Variants in DNAH9 observed in about 807,000 individuals in gnomAD.
DNAH9 encodes the protein dynein axonemal heavy chain 9.
DNAH9 carries 345 observed loss-of-function variants against 471.6 expected under a neutral mutation model. The ratio of observed to expected loss-of-function variants is 0.73; its 90% CI spans 0.67 to 0.80. The LOEUF (loss-of-function observed/expected upper bound fraction) is 0.80, where lower values mean the gene tolerates loss of function less well. DNAH9 is among the 30% of genes least tolerant of loss of function. The pLI is 0.00. For missense variants in DNAH9, 5,407 were observed against 5,609.2 expected, an observed-to-expected ratio of 0.96 and a Z score of 1.15; for synonymous variants, 2,093 against 2,123.6, an observed-to-expected ratio of 0.99 and a Z score of 0.40.
intron 35 of DNAH9, among the ~76,000 whole-genome samples, chr17:11,762,784 T>TTTTTTTTTTG (rs1967758078): frequency 7.4e-6 from 1 of 135,182 alleles, no homozygotes; most frequent in South Asian, 2.6e-4. Context: ...TTTTTTTTTT[T>TTTTTTTTTTG]TTTTTTTTTT....
Position 11,653,143 on chromosome 17 carries a change from A to G in DNAH9, c.2595+141A>G, listed in dbSNP as rs1597438113. On this transcript the variant is annotated intron_variant, in intron 14 of 68. Transcript: ENST00000262442. ...AGGATAGAAGTTTAGGCTGATAGCA[A>G]AAGACTAAAGCTGATAGACTGGGCA... 3.9e-5 allele frequency: 35 copies of G among 886,892 alleles called. 1 individual carries two copies. In the South Asian group the frequency reaches 6.1e-4, roughly 15 times the overall value. The allele number at this position is 886,892 out of a possible 1,614,324, so 54.9% of individuals were successfully genotyped here.
At chr17:11,635,635 C>T (rs763811924) in intron 8 of DNAH9, among the ~76,000 whole-genome samples, 3 of 152,136 alleles carry the variant, frequency 2.0e-5, no homozygotes, top group Non-Finnish European at 4.4e-5. Flanking sequence ...CGTTTAGAAG[C>T]AGTGTATTGG....
chr17:11,617,758 C>T, intron 5 of DNAH9, 136 bp downstream of exon 5: 4 of 644,894 alleles, frequency 6.2e-6, no homozygotes, highest in Non-Finnish European at 1.1e-5. Context: ...ACTTGAATTA[C>T]AGTATTTTAC....
intron 62 of DNAH9, among the ~76,000 whole-genome samples, chr17:11,925,777 G>A (rs537831290): frequency 1.3e-5 from 2 of 152,266 alleles, no homozygotes; most frequent in East Asian, 3.9e-4. Flanking sequence ...CCTGGTGACT[G>A]GACATTTCCA....
chr17:11,883,598 AAGC>A lies in DNAH9; in HGVS notation c.10825_10827del (p.Gln3609del). 1 of 1,614,078 alleles carries A rather than the reference AAGC, an allele frequency of 6.2e-7. No homozygotes were observed. The highest frequency in any genetic ancestry group is 8.5e-7 in the Non-Finnish European group (1 of 1,179,990). The stretch of plus-strand genomic sequence containing the variant: ...TTGATATTTGCAGTCCGATCTCACA[AAGC>A]AGCAGAATGGATTCAAAATTACCCT... On this transcript the variant is annotated inframe_deletion, in exon 56 of 69. Coordinates refer to ENST00000262442, the MANE Select transcript of DNAH9 (RefSeq NM_001372.4).
At chr17:11,798,411 C>A (rs369484652) in intron 43 of DNAH9, among the ~76,000 whole-genome samples, 1 of 112,290 alleles carries the variant, frequency 8.9e-6, no homozygotes, top group African/African-American at 3.5e-5. Flanking sequence ...CCAGCCTGGG[C>A]GACAGAGCAA....
chr17:11,902,913 G>A lies in DNAH9; in HGVS notation c.11600+1G>A, dbSNP rs930788014. ...CCGACCGGATGACCTATGCTTTGCG[G>A]TAGGAAACAGGGTGGTGGAAGGCCC... On this transcript the variant is annotated splice_donor_variant, in intron 60 of 68. Coordinates refer to ENST00000262442, the MANE Select transcript of DNAH9 (RefSeq NM_001372.4). LOFTEE classifies it high-confidence loss of function. The A allele has an allele frequency of 6.2e-7, 1 of 1,611,752 alleles. No homozygotes were observed.
chr17:11,876,437 A>G (rs1207431810), intron 53 of DNAH9, among the ~76,000 whole-genome samples: 1 of 152,186 alleles, frequency 6.6e-6, no homozygotes, highest in African/African-American at 2.4e-5. Flanking sequence ...AAATGTTTTC[A>G]AAGAAAACAA....
At chr17:11,760,305 A>T (rs1189018180) in intron 35 of DNAH9, among the ~76,000 whole-genome samples, 1 of 152,146 alleles carries the variant, frequency 6.6e-6, no homozygotes, top group East Asian at 1.9e-4. Context: ...ATATCCTTTA[A>T]CTAAAAGTCT....
chr17:11,939,482 G>A (rs1402101428), intron 66 of DNAH9, among the ~76,000 whole-genome samples: 1 of 152,188 alleles, frequency 6.6e-6, no homozygotes, highest in African/African-American at 2.4e-5. Context: ...TGGGACACGT[G>A]TGCAGGTTAC....
Position 11,784,461 on chromosome 17 carries a change from A to G in DNAH9, c.7983A>G (p.Lys2661=). Residue 2661 remains lysine (K), a synonymous_variant, in exon 41 of 69, where the codon AAA becomes AAG. Coordinates refer to ENST00000262442, the MANE Select transcript of DNAH9 (RefSeq NM_001372.4). ...ATCTGGCCCTCGCCTTCCACCAGAA[A>G]ATTGCTACCACCTTCCTACCCACAG... ...LIDLALAFHQ[K]IATTFLPTGI... The G allele has an allele frequency of 6.2e-7, 1 of 1,614,136 alleles. No individual in the cohort carries two copies. Among genetic ancestry groups the G allele is most frequent in the Non-Finnish European group, 8.5e-7 (1 of 1,180,028 alleles).
chr17:11,841,046 A>C (rs1971013217), intron 49 of DNAH9, among the ~76,000 whole-genome samples: 1 of 152,196 alleles, frequency 6.6e-6, no homozygotes, highest in Admixed American at 6.5e-5. Context: ...TTTCTATCCA[A>C]AATAGCTGTT....
rs978699929 is a variant in DNAH9, at chr17:11,629,436, T to C, written c.1370T>C (p.Leu457Pro). ...CCATAGGGTCTTCTGAAGACGGCCC[T>C]GGATTTCCACAAACTGGGAAAGGTG... ...HVVEGLLKTA[L>P]DFHKLGKVEF... The change falls in exon 7 of 69, where the codon CTG (leucine) becomes CCG (proline). Residue 457 changes from leucine to proline, a missense_variant. Leu to Pro is a moderately conservative substitution (Grantham distance 98). This residue lies in a region of DNAH9 where 767 missense variants were observed against 692.5 expected (regional missense o/e 1.11). Transcript: ENST00000262442. The C allele has an allele frequency of 6.2e-7, 1 of 1,613,964 alleles. No individual in the cohort carries two copies. The highest frequency in any genetic ancestry group is 8.5e-7 in the Non-Finnish European group (1 of 1,179,948).
At chr17:11,781,308 C>T in intron 39 of DNAH9, 134 bp downstream of exon 39, 1 of 924,062 alleles carries the variant, frequency 1.1e-6, no homozygotes, top group Non-Finnish European at 1.5e-6. Context: ...TGTGGTAAAC[C>T]ACATTTCTCA....
Position 11,619,773 on chromosome 17 carries a change from G to T in DNAH9, c.1342G>T (p.Val448Leu). The change falls in exon 6 of 69, where the codon GTG (valine) becomes TTG (leucine). Residue 448 changes from valine (V) to leucine (L), a missense_variant. Around this residue, in one of 3 missense-constraint regions of DNAH9, gnomAD observed 767 missense variants for 692.5 expected, o/e 1.11. Transcript: ENST00000262442. ...GGATGGCTTCCTGGGACAACTGCAC[G>T]TGGTGGAGGTGAGTGCGCACCTCAC... ...RLDGFLGQLHVVEGLLKTALD... is the reference protein window; with the variant it reads ...RLDGFLGQLHLVEGLLKTALD... The T allele has an allele frequency of 6.3e-7, 1 of 1,598,502 alleles. No individual in the cohort carries two copies. The highest frequency in any genetic ancestry group is 8.6e-7 in the Non-Finnish European group (1 of 1,165,912).
At chr17:11,625,523 T>A (rs2072953714) in intron 6 of DNAH9, among the ~76,000 whole-genome samples, 1 of 152,212 alleles carries the variant, frequency 6.6e-6, no homozygotes, top group Admixed American at 6.5e-5. Flanking sequence ...CTTTTGAGAT[T>A]TTCATCTATG....
chr17:11,633,741 G>A (rs1348745427), intron 8 of DNAH9, among the ~76,000 whole-genome samples: 2 of 152,144 alleles, frequency 1.3e-5, no homozygotes, highest in South Asian at 2.1e-4. Flanking sequence ...GGCAACTTGT[G>A]GGGCTGAAAC....
chr17:11,731,756 T>C (rs1179990436), intron 28 of DNAH9, among the ~76,000 whole-genome samples: 1 of 152,124 alleles, frequency 6.6e-6, no homozygotes, highest in Non-Finnish European at 1.5e-5. Context: ...TACGTAGTAT[T>C]CCATGGTGTA....
intron 50 of DNAH9, among the ~76,000 whole-genome samples, chr17:11,868,522 G>A (rs1217272306): frequency 1.3e-5 from 2 of 152,020 alleles, no homozygotes; most frequent in African/African-American, 4.8e-5. Context: ...GTGTTAATGG[G>A]AGAGACTAGA....
Sources: gnomAD v4.1 joint callset for allele counts (sites outside exome capture counted in the v4.1 genomes callset) on GRCh38, gnomAD v4.1.1 for gene constraint, gnomAD v4.1.1 regional missense constraint, MANE v1.5 for transcripts, NCBI Gene and HGNC (gene_info 2026-07-23, HGNC 2026-07-21) for gene names.